Variants in RTN1 observed in about 807,000 individuals in gnomAD.
RTN1 encodes the protein reticulon-1.
In RTN1, 25 loss-of-function variants were observed where a neutral mutation model predicts 65.5. The observed-to-expected ratio is 0.38, with a 90% CI of 0.28 to 0.53. The LOEUF is 0.53. Among genes scored for constraint, RTN1 ranks in the 20% least tolerant of loss-of-function variants. The probability of loss-of-function intolerance (pLI) is 0.79; values close to 1 mark genes in which losing one functional copy is unlikely to be tolerated. For missense variants in RTN1, 983 were observed against 1,025.4 expected, an observed-to-expected ratio of 0.96 and a Z score of 0.57; for synonymous variants, 471 against 447.6, an observed-to-expected ratio of 1.05 and a Z score of -0.66.
intron 3 of RTN1, among the ~76,000 whole-genome samples, chr14:59,661,259 CAAAAAAAAAAAAA>C (rs768483248): frequency 2.4e-5 from 2 of 83,394 alleles, no homozygotes; most frequent in Non-Finnish European, 4.2e-5. Context: ...GCCTACCAAC[CAAAAAAAAAAAAA>C]AAAAAAAGCC....
At position 59,774,739 on chromosome 14, in the gene RTN1, T is replaced by C. The variant is rs1427026777; in HGVS notation, c.242-28258A>G. Among the ~76,000 whole-genome samples, 1 of 152,176 alleles carries C rather than the reference T, an allele frequency of 6.6e-6. No individual in the cohort carries two copies. The highest frequency in any genetic ancestry group is 1.5e-5 in the Non-Finnish European group (1 of 68,018). On this transcript the variant is annotated intron_variant, in intron 1 of 8. Transcript: ENST00000267484. This position sits in a 1 kb window ranked among gnomAD's most constrained non-coding sequence, Gnocchi z 5.1. ...TCCCAATAAGTCACCACTACTACAG[T>C]TGAGACTGAGGAGTGGTATGGTAAA...
At chr14:59,750,345 AATATATATT>A (rs1885458777) in intron 1 of RTN1, among the ~76,000 whole-genome samples, 1 of 1,940 alleles carries the variant, frequency 5.2e-4, no homozygotes, top group South Asian at 8.9e-3. Flanking sequence ...TTATATCTAT[AATATATATT>A]ATATCTATAT....
chr14:59,793,496 A>G (rs2139591343), intron 1 of RTN1, among the ~76,000 whole-genome samples: 1 of 152,248 alleles, frequency 6.6e-6, no homozygotes. Context: ...AAAATATCCA[A>G]TTTGTAATCA....
At chr14:59,672,342 G>A (rs553853130) in intron 3 of RTN1, among the ~76,000 whole-genome samples, 5 of 152,224 alleles carry the variant, frequency 3.3e-5, no homozygotes, top group African/African-American at 4.8e-5. Flanking sequence ...CAAGTAAAGC[G>A]CTATGATGTT....
chr14:59,772,561 A>T (rs939665146), intron 1 of RTN1, among the ~76,000 whole-genome samples: 14 of 151,900 alleles, frequency 9.2e-5, no homozygotes, highest in Admixed American at 3.3e-4. Context: ...CAGTGGAAAT[A>T]CAGTAAAAGG....
intron 1 of RTN1, among the ~76,000 whole-genome samples, chr14:59,759,653 C>T (rs554346639): frequency 6.6e-6 from 1 of 151,690 alleles, no homozygotes; most frequent in African/African-American, 2.4e-5. Flanking sequence ...AGGGGAAGTT[C>T]CCCTAATATA....
intron 2 of RTN1, among the ~76,000 whole-genome samples, chr14:59,745,472 T>G (rs76441018): frequency 0.025 from 3,742 of 151,880 alleles, 154 homozygotes; most frequent in African/African-American, 0.085. Context: ...AAAAAAAAAA[T>G]TTTACAAAGA....
At chr14:59,869,849 G>A (rs1374200087) in intron 1 of RTN1, among the ~76,000 whole-genome samples, 1 of 152,176 alleles carries the variant, frequency 6.6e-6, no homozygotes, top group Non-Finnish European at 1.5e-5. Context: ...AGGGATGTGG[G>A]GGGAGTAAGG....
intron 3 of RTN1, among the ~76,000 whole-genome samples, chr14:59,710,726 G>T (rs990557034): frequency 4.6e-5 from 7 of 152,198 alleles, no homozygotes; most frequent in Non-Finnish European, 1.0e-4. Context: ...CAGGTCGGGG[G>T]CTGATCCACA....
intron 1 of RTN1, among the ~76,000 whole-genome samples, chr14:59,787,285 A>G (rs558302031): frequency 2.0e-5 from 3 of 152,190 alleles, no homozygotes; most frequent in African/African-American, 7.2e-5. Flanking sequence ...GGGGCTCACT[A>G]GGGCTTGAAT....
At position 59,846,242 on chromosome 14, in the gene RTN1, A is replaced by T. The variant is rs1440501950; in HGVS notation, c.241+24148T>A. On this transcript the variant is annotated intron_variant, in intron 1 of 8. Coordinates refer to ENST00000267484, the MANE Select transcript of RTN1 (RefSeq NM_021136.3). This position sits in a 1 kb window ranked among gnomAD's most constrained non-coding sequence, Gnocchi z 4.8. ...GGTGCTTTTTTGTGGAAGAAGAAAC[A>T]GAATGAACTGAGATGATAAATCCTG... Among the ~76,000 whole-genome samples, 1 of 152,204 alleles carries T rather than the reference A, an allele frequency of 6.6e-6. No individual in the cohort carries two copies. Among genetic ancestry groups the T allele is most frequent in the Non-Finnish European group, 1.5e-5 (1 of 68,030 alleles).
At chr14:59,869,341 C>T (rs1196312943) in intron 1 of RTN1, among the ~76,000 whole-genome samples, 1 of 151,842 alleles carries the variant, frequency 6.6e-6, no homozygotes, top group African/African-American at 2.4e-5. Context: ...TCTACATTGC[C>T]AAAACTACAC....
chr14:59,632,313 C>A (rs1168072043), intron 3 of RTN1, among the ~76,000 whole-genome samples: 1 of 152,142 alleles, frequency 6.6e-6, no homozygotes, highest in Admixed American at 6.5e-5. Flanking sequence ...TATTCCCTAC[C>A]TTTCCTCCCT....
chr14:59,654,446 AAGG>A (rs983468165), intron 3 of RTN1, among the ~76,000 whole-genome samples: 1 of 151,490 alleles, frequency 6.6e-6, no homozygotes, highest in Non-Finnish European at 1.5e-5. Flanking sequence ...AAAAAAAAAA[AAGG>A]AGGAGGGAAA....
chr14:59,786,074 T>C (rs922306966), intron 1 of RTN1, among the ~76,000 whole-genome samples: 3 of 152,094 alleles, frequency 2.0e-5, no homozygotes, highest in Admixed American at 6.5e-5. Flanking sequence ...CACTTAGAGG[T>C]AGAAGAGCCC....
intron 1 of RTN1, among the ~76,000 whole-genome samples, chr14:59,848,568 G>T (rs561395986): frequency 7.2e-5 from 11 of 152,278 alleles, no homozygotes; most frequent in Admixed American, 1.3e-4. Context: ...CACTGTAATT[G>T]ATTTAAGATT....
intron 3 of RTN1, among the ~76,000 whole-genome samples, chr14:59,653,452 A>G (rs1187898420): frequency 6.6e-6 from 1 of 152,190 alleles, no homozygotes; most frequent in African/African-American, 2.4e-5. Context: ...GCTAAAATTC[A>G]TAGAAACAAA....
intron 1 of RTN1, among the ~76,000 whole-genome samples, chr14:59,799,702 G>A (rs1886504057): frequency 6.6e-6 from 1 of 152,198 alleles, no homozygotes. Flanking sequence ...GTCCTTTGGT[G>A]GCATAGGCAT....
At chr14:59,826,507 T>C (rs1174377619) in intron 1 of RTN1, among the ~76,000 whole-genome samples, 1 of 152,230 alleles carries the variant, frequency 6.6e-6, no homozygotes, top group African/African-American at 2.4e-5. Flanking sequence ...GACTGTCATT[T>C]ACAGAAGCTC....
Sources: gnomAD v4.1 joint callset for allele counts (sites outside exome capture counted in the v4.1 genomes callset) on GRCh38, gnomAD v4.1.1 for gene constraint, Gnocchi (gnomAD v3.1) non-coding constraint, MANE v1.5 for transcripts, NCBI Gene and HGNC (gene_info 2026-07-23, HGNC 2026-07-21) for gene names.